MARS1: variants seen among roughly 807,000 people sequenced by gnomAD.
MARS1 encodes the protein methionine--tRNA ligase, cytoplasmic.
MARS1 carries 80 observed loss-of-function variants against 119.5 expected under a neutral mutation model. The observed-to-expected ratio is 0.67, with a 90% confidence interval of 0.56 to 0.81. MARS1 has a LOEUF of 0.81. Ranked by LOEUF, MARS1 falls within the 30% of genes least tolerant of loss-of-function variation. MARS1 has a pLI of 0.00. For synonymous variants in MARS1, 418 were observed against 433.4 expected (o/e 0.96, Z 0.44); for missense variants, 945 against 1,116.5 (o/e 0.85, Z 2.19).
In MARS1 at chr12:57,489,290, G is replaced by A; in HGVS notation, c.224G>A (p.Trp75Ter). 5 of 1,613,828 alleles carry A rather than the reference G, an allele frequency of 3.1e-6. No homozygotes were observed. Among genetic ancestry groups the A allele is most frequent in the Non-Finnish European group, 3.4e-6 (4 of 1,180,014 alleles). The change falls in exon 3 of 21, where the codon TGG (tryptophan) becomes TAG (stop). Residue 75 changes from tryptophan (W) to a stop codon, truncating the protein, a stop_gained. Coordinates refer to ENST00000262027, the MANE Select transcript of MARS1 (RefSeq NM_004990.4). LOFTEE classifies it high-confidence loss of function. ...AGATATTTTTTTTTGTTATCTGGCTGGGAGCAAGATGACCTCACTAACCAG... is the reference window on the plus strand; with the variant it reads ...AGATATTTTTTTTTGTTATCTGGCTAGGAGCAAGATGACCTCACTAACCAG... The part of the protein sequence containing the change: ...ICRYFFLLSG[W>*]EQDDLTNQWL...
Position 57,516,442 on chromosome 12 carries a change from T to C in MARS1, c.2564T>C (p.Ile855Thr), listed in dbSNP as rs1239219493. ...LMDEVTKQGN[I>T]VRELKAQKAD... ...CACCCCCCTTTATCTTAGGGAAACA[T>C]TGTCCGAGAACTGAAAGCACAAAAG... The change falls in exon 21 of 21, where the codon ATT (isoleucine) becomes ACT (threonine). Residue 855 changes from isoleucine to threonine, a missense_variant. By Grantham distance (89) the Ile-to-Thr change is moderately conservative. Transcript: ENST00000262027. The C allele has an allele frequency of 4.3e-6, 7 of 1,613,098 alleles. No individual in the cohort carries two copies. Among genetic ancestry groups the C allele is most frequent in the Non-Finnish European group, 4.2e-6 (5 of 1,179,578 alleles).
intron 7 of MARS1, among the ~76,000 whole-genome samples, chr12:57,495,383 C>T (rs1203123673): frequency 6.2e-5 from 9 of 144,874 alleles, no homozygotes; most frequent in East Asian, 2.0e-4. Flanking sequence ...CGGGCAGAGG[C>T]GCTCCTCACA....
Position 57,488,089 on chromosome 12 carries a change from A to G in MARS1, c.-2A>G, listed in dbSNP as rs771406360. ...TTGCATCAGCGAGGGATTCACGGCGAAATGAGACTGTTCGTGAGTGATGGC... is the reference window on the plus strand; with the variant it reads ...TTGCATCAGCGAGGGATTCACGGCGGAATGAGACTGTTCGTGAGTGATGGC... On this transcript the variant is annotated 5_prime_UTR_variant, in exon 1 of 21. Coordinates refer to ENST00000262027, the MANE Select transcript of MARS1 (RefSeq NM_004990.4). The G allele has an allele frequency of 6.2e-7, 1 of 1,613,892 alleles. No individual in the cohort carries two copies. Among genetic ancestry groups the G allele is most frequent in the South Asian group, 1.1e-5 (1 of 91,058 alleles).
chr12:57,508,266 C>G (rs182689145), intron 11 of MARS1, among the ~76,000 whole-genome samples: 1 of 152,322 alleles, frequency 6.6e-6, no homozygotes, highest in South Asian at 2.1e-4. Flanking sequence ...GGTGGCGGCA[C>G]GGCAGAGGCT....
At chr12:57,514,666 G>A (rs190740773) in intron 15 of MARS1, 54 bp from the exon 16 acceptor site, 106 of 1,607,612 alleles carry the variant, frequency 6.6e-5, no homozygotes, top group Admixed American at 5.8e-4. Context: ...ACAAGGAGAC[G>A]GGATAATAAC....
intron 7 of MARS1, among the ~76,000 whole-genome samples, chr12:57,492,970 C>A (rs908187500): frequency 6.6e-6 from 1 of 151,994 alleles, no homozygotes; most frequent in Non-Finnish European, 1.5e-5. Flanking sequence ...TGCCTTTATG[C>A]ATACTGTTCC....
chr12:57,498,758 C>T, intron 9 of MARS1, 135 bp downstream of exon 9: 1 of 775,382 alleles, frequency 1.3e-6, no homozygotes, highest in African/African-American at 1.7e-5. Flanking sequence ...TCACCCTGGG[C>T]AGTTATCCAG....
chr12:57,508,550 A>G (rs1565648857), intron 11 of MARS1, among the ~76,000 whole-genome samples: 3 of 152,260 alleles, frequency 2.0e-5, no homozygotes, highest in African/African-American at 2.4e-5. Context: ...AATCGCAGGC[A>G]CTCGGCAGGC....
chr12:57,500,242 C>T, intron 9 of MARS1, 79 bp from the exon 10 acceptor site: 1 of 1,170,366 alleles, frequency 8.5e-7, no homozygotes. Flanking sequence ...GAGTTTGGGT[C>T]CCTGGTTGGA....
At chr12:57,504,081 C>T in intron 10 of MARS1, 144 bp from the exon 11 acceptor site, 1 of 630,572 alleles carries the variant, frequency 1.6e-6, no homozygotes, top group Non-Finnish European at 2.9e-6. Context: ...TTAGAGTAGG[C>T]CACATAGTAG....
chr12:57,500,014 C>A, intron 9 of MARS1: 1 of 344,392 alleles, frequency 2.9e-6, no homozygotes, highest in South Asian at 2.8e-5. Context: ...TATTAAAGAA[C>A]AGGCACAGTC....
chr12:57,489,205 GATGAGA>G (rs1875725362), intron 2 of MARS1, 56 bp from the exon 3 acceptor site: 1 of 1,601,006 alleles, frequency 6.2e-7, no homozygotes, highest in Non-Finnish European at 8.6e-7. Context: ...TTCCCTGTGT[GATGAGA>G]AATGGGCTAA....
Position 57,515,063 on chromosome 12 carries a change from G to GT in MARS1, c.2204+6dup. On this transcript the variant is annotated splice_donor_region_variant and intron_variant, in intron 17 of 20. Transcript: ENST00000262027. ...TAAAGGCAGTGAGGCTGACAGGTAG[G>GT]TAAGCGGGGAGGGTTGGCTAAAGGC... 1 of 1,614,196 alleles carries GT rather than the reference G, an allele frequency of 6.2e-7. No individual in the cohort carries two copies. The highest frequency in any genetic ancestry group is 2.2e-5 in the East Asian group (1 of 44,894).
chr12:57,508,041 G>C (rs368903741), intron 11 of MARS1, among the ~76,000 whole-genome samples: 1 of 151,688 alleles, frequency 6.6e-6, no homozygotes. Context: ...GGGCAGAGGC[G>C]CTCCCCACAT....
chr12:57,490,821 A>T (rs375195985), intron 7 of MARS1, among the ~76,000 whole-genome samples, 177 bp downstream of exon 7: 17 of 65,120 alleles, frequency 2.6e-4, no homozygotes, highest in African/African-American at 4.6e-4. Context: ...CTCTTAGCCT[A>T]TCATTTTGGA....
At chr12:57,502,624 T>C (rs1457220658) in intron 10 of MARS1, among the ~76,000 whole-genome samples, 2 of 149,014 alleles carry the variant, frequency 1.3e-5, no homozygotes, top group Non-Finnish European at 3.0e-5. Flanking sequence ...GATAATCTCT[T>C]GAACCTGGGA....
In MARS1 at chr12:57,490,550, G is replaced by C. The variant is rs370953229; in HGVS notation, c.676G>C (p.Ala226Pro). The C allele has an allele frequency of 1.9e-6, 3 of 1,614,018 alleles. No individual in the cohort carries two copies. The African/African-American group carries it at 4.0e-5, about 22-fold the overall frequency. ...CCACTCTTTATAGGAGGAGGAGCTG[G>C]CTACCCTATCTGAGGAGGAGATTGC... ...VTNEPEEEEL[A>P]TLSEEEIAMA... The change falls in exon 7 of 21, where the codon GCT becomes CCT. Residue 226 changes from alanine to proline, a missense_variant. Coordinates refer to ENST00000262027, the MANE Select transcript of MARS1 (RefSeq NM_004990.4).
At position 57,489,539 on chromosome 12, in the gene MARS1, A is replaced by G. The variant is rs746147384; in HGVS notation, c.395A>G (p.Asn132Ser). The G allele has an allele frequency of 6.2e-7, 1 of 1,614,164 alleles. No individual in the cohort carries two copies. Among genetic ancestry groups the G allele is most frequent in the Non-Finnish European group, 8.5e-7 (1 of 1,180,016 alleles). The change falls in exon 4 of 21, where the codon AAC (asparagine) becomes AGC (serine). Residue 132 changes from asparagine to serine, a missense_variant. Transcript: ENST00000262027. ...THIDHSLSRQ[N>S]CPFLAGETES... ...ATTGACCACAGCTTGAGTCGTCAGA[A>G]CTGTCCTTTCCTGGCTGGGGTGAGT...
chr12:57,492,473 C>T (rs1876024744), intron 7 of MARS1, among the ~76,000 whole-genome samples: 2 of 151,966 alleles, frequency 1.3e-5, no homozygotes, highest in African/African-American at 2.4e-5. Flanking sequence ...AGTTCGAGAC[C>T]AGCCTGGCCA....
Sources: allele counts gnomAD v4.1 joint callset (sites outside exome capture counted in the v4.1 genomes callset), GRCh38; gene constraint gnomAD v4.1.1; transcripts MANE v1.5; gene names NCBI Gene and HGNC (gene_info 2026-07-23, HGNC 2026-07-21).